Variants in QTMAN observed in about 807,000 individuals in gnomAD.
QTMAN encodes queuosine-tRNA mannosyltransferase.
chr2:144,003,703 T>C, the QTMAN span, among the ~76,000 whole-genome samples: 6 of 152,092 alleles, frequency 3.9e-5, no homozygotes, highest in Non-Finnish European at 7.4e-5. Context: ...AAGGGCCTGT[T>C]CTCATGCACA....
the QTMAN span, among the ~76,000 whole-genome samples, chr2:144,188,633 ACTTT>A: frequency 2.6e-5 from 4 of 151,978 alleles, no homozygotes; most frequent in Non-Finnish European, 4.4e-5. Context: ...GAATTATAAA[ACTTT>A]CTGACACTTC....
At chr2:144,045,549 G>A in the QTMAN span, among the ~76,000 whole-genome samples, 1 of 152,186 alleles carries the variant, frequency 6.6e-6, no homozygotes, top group Non-Finnish European at 1.5e-5. Flanking sequence ...AAGAAATGTG[G>A]ATAACATACT....
the QTMAN span, chr2:144,011,640 TAA>T: frequency 0.033 from 27,114 of 829,590 alleles, no homozygotes; most frequent in Non-Finnish European, 0.036. Context: ...TCTATGCTAG[TAA>T]AAAAAAAAAA....
the QTMAN span, chr2:144,177,366 G>A: frequency 3.8e-5 from 22 of 572,132 alleles, no homozygotes; most frequent in South Asian, 5.1e-4. Flanking sequence ...GGGTTTGGGG[G>A]TAGTCAATTG....
the QTMAN span, among the ~76,000 whole-genome samples, chr2:143,971,579 G>A: frequency 1.3e-5 from 2 of 151,728 alleles, no homozygotes; most frequent in Non-Finnish European, 2.9e-5. Flanking sequence ...AATGAAATGA[G>A]TTTTTTTTAA....
chr2:144,170,666 T>C, the QTMAN span, among the ~76,000 whole-genome samples: 3 of 152,042 alleles, frequency 2.0e-5, no homozygotes, highest in Non-Finnish European at 4.4e-5. Flanking sequence ...CCAAACCTCC[T>C]TGAGCAAGTA....
chr2:144,236,398 T>A, the QTMAN span, among the ~76,000 whole-genome samples: 1 of 152,284 alleles, frequency 6.6e-6, no homozygotes, highest in South Asian at 2.1e-4. Context: ...AACTAACATG[T>A]TACCATATAT....
the QTMAN span, among the ~76,000 whole-genome samples, chr2:144,184,821 T>A: frequency 6.6e-6 from 1 of 152,160 alleles, no homozygotes; most frequent in Non-Finnish European, 1.5e-5. Context: ...TAACTCCATA[T>A]ACCTATATAG....
chr2:144,001,820 C>CA, the QTMAN span, among the ~76,000 whole-genome samples: 6,353 of 138,442 alleles, frequency 0.046, 188 homozygotes, highest in East Asian at 0.093. Context: ...AGTTTTAAGC[C>CA]AAAAAAAAAA....
the QTMAN span, among the ~76,000 whole-genome samples, chr2:144,215,249 TA>T: frequency 1.0e-3 from 143 of 139,676 alleles, no homozygotes; most frequent in African/African-American, 1.5e-3. Context: ...CTTTATTTTT[TA>T]AAAAAAAAAA....
chr2:143,989,668 C>CATAT, the QTMAN span, among the ~76,000 whole-genome samples: 1 of 152,118 alleles, frequency 6.6e-6, no homozygotes, highest in East Asian at 1.9e-4. Context: ...TGCATATATA[C>CATAT]ATATATATAC....
the QTMAN span, among the ~76,000 whole-genome samples, chr2:143,975,526 A>G: frequency 6.6e-6 from 1 of 152,180 alleles, no homozygotes; most frequent in Admixed American, 6.5e-5. Context: ...AAGCAGTGGT[A>G]GATAATATTT....
chr2:144,300,055 A>G, the QTMAN span, among the ~76,000 whole-genome samples: 1 of 152,246 alleles, frequency 6.6e-6, no homozygotes, highest in African/African-American at 2.4e-5. Context: ...TATATGAGGT[A>G]CCTAGAGTAG....
the QTMAN span, among the ~76,000 whole-genome samples, chr2:144,192,109 C>CT: frequency 2.1e-3 from 307 of 146,646 alleles, 1 homozygote; most frequent in African/African-American, 6.7e-3. Flanking sequence ...ATCTTAACTC[C>CT]TTTTTTTTTT....
At chr2:143,953,703 A>G in the QTMAN span, among the ~76,000 whole-genome samples, 1 of 151,890 alleles carries the variant, frequency 6.6e-6, no homozygotes, top group Non-Finnish European at 1.5e-5. Flanking sequence ...TCTGTTGGCT[A>G]GAAATTATGC....
At chr2:144,250,133 T>TG in the QTMAN span, among the ~76,000 whole-genome samples, 2 of 145,748 alleles carry the variant, frequency 1.4e-5, no homozygotes, top group South Asian at 2.1e-4. Context: ...GTTTTTTTTT[T>TG]TTGTTTGTTT....
chr2:144,173,331 T>G, the QTMAN span, among the ~76,000 whole-genome samples: 20 of 152,048 alleles, frequency 1.3e-4, no homozygotes, highest in African/African-American at 4.8e-4. Context: ...ACAGAAAAGG[T>G]GACAAAATGT....
At chr2:144,320,841 T>C in the QTMAN span, among the ~76,000 whole-genome samples, 8 of 152,184 alleles carry the variant, frequency 5.3e-5, no homozygotes, top group Non-Finnish European at 1.0e-4. Flanking sequence ...GTCTGCATAT[T>C]CCAACACTCC....
the QTMAN span, among the ~76,000 whole-genome samples, chr2:144,078,866 C>T: frequency 6.6e-6 from 1 of 152,156 alleles, no homozygotes; most frequent in South Asian, 2.1e-4. Flanking sequence ...CAGCAACCCC[C>T]TTCCCAAGGG....
Sources: gnomAD v4.1 joint callset for allele counts (sites outside exome capture counted in the v4.1 genomes callset) on GRCh38, gnomAD v4.1.1 for gene constraint, MANE v1.5 for transcripts, NCBI Gene and HGNC (gene_info 2026-07-23, HGNC 2026-07-21) for gene names.